The following GPR174 variants were observed in gnomAD, a reference collection of about 807,000 sequenced individuals.
GPR174 encodes the protein probable G protein-coupled receptor 174.
GPR174 carries 8 observed loss-of-function variants against 16.5 expected under a neutral mutation model. That is an observed-to-expected ratio of 0.48 (90% CI 0.28 to 0.87). GPR174 has a LOEUF of 0.87. GPR174 is among the 40% of genes least tolerant of loss of function. GPR174 has a pLI of 0.09. For missense variants in GPR174, 214 were observed against 247.5 expected, an observed-to-expected ratio of 0.86 and a Z score of 0.91; for synonymous variants, 111 against 94.8, an observed-to-expected ratio of 1.17 and a Z score of -0.99.
At chrX:79,166,425 CTTTTTTCTTTTTTTTTTTT>C (rs1271978716) in intron 2 of GPR174, among the ~76,000 whole-genome samples, 848 of 42,500 alleles carry the variant, frequency 0.02, 10 homozygotes, top group African/African-American at 0.067. Context: ...TTTTTCTTTT[CTTTTTTCTTTTTTTTTTTT>C]TTTTTTTTTT....
rs183722732 is a variant in GPR174, at chrX:79,152,211, G to A, written c.-653-4611G>A. Among the ~76,000 whole-genome samples the A allele has an allele frequency of 2.2e-3, 244 of 111,704 alleles. 2 individuals carry two copies. The highest frequency in any genetic ancestry group is 3.2e-3 in the Non-Finnish European group (168 of 52,956). ...TTTACTTGTTTGCTGGCTTCCTAGT[G>A]CATTCTATACTGGCTATAAGGAATT... On this transcript the variant is annotated intron_variant, in intron 1 of 2. Transcript: ENST00000645147.
In GPR174 at chrX:79,172,494, T is replaced by C. The variant is rs1179155406; in HGVS notation, c.*485T>C. 5 of 113,788 alleles carry C rather than the reference T, an allele frequency of 4.4e-5. No individual in the cohort carries two copies. The highest frequency in any genetic ancestry group is 1.6e-4 in the African/African-American group (5 of 30,888). 9.4% of individuals were successfully genotyped at this position (113,788 alleles called of 1,213,427 possible). ...GGGATAGATGATATATTACCCTGTG[T>C]AAAGAAAATGTAAACATAAGATCAT... On this transcript the variant is annotated 3_prime_UTR_variant, in exon 3 of 3. Transcript: ENST00000645147.
chrX:79,172,770 C>T lies in GPR174; in HGVS notation c.*761C>T, dbSNP rs966549819. On this transcript the variant is annotated 3_prime_UTR_variant, in exon 3 of 3. Coordinates refer to ENST00000645147, the MANE Select transcript of GPR174 (RefSeq NM_032553.3). ...TTGTCAAAGTCCATACAAGGTGACT[C>T]AATTGGGCTCTAGGCCTAGGAGAAA... 2.7e-5 allele frequency: 3 copies of T among 111,697 alleles called. No individual in the cohort carries two copies. In the Admixed American group the frequency reaches 2.8e-4, roughly 11 times the overall value. The allele number at this position is 111,697 out of a possible 1,213,427, so 9.2% of individuals were successfully genotyped here.
intron 2 of GPR174, among the ~76,000 whole-genome samples, chrX:79,163,961 A>G (rs1195796044): frequency 9.0e-6 from 1 of 111,494 alleles, no homozygotes; most frequent in Non-Finnish European, 1.9e-5. Flanking sequence ...ATGGCCCTAT[A>G]TGAATGGTTT....
chrX:79,161,603 A>G (rs765505165), intron 2 of GPR174, among the ~76,000 whole-genome samples: 5 of 112,075 alleles, frequency 4.5e-5, no homozygotes, highest in African/African-American at 1.6e-4. Context: ...GGTGTTCAGG[A>G]GTCTAGCCTT....
chrX:79,155,277 G>A, intron 1 of GPR174, among the ~76,000 whole-genome samples: 1 of 111,307 alleles, frequency 9.0e-6, no homozygotes, highest in East Asian at 2.8e-4. Flanking sequence ...TACTGCCTAG[G>A]TTTTCTTTCC....
chrX:79,145,002 CTCTCTTTCTTTCTTTCTT>C lies in GPR174; in HGVS notation c.-865_-848del, dbSNP rs201648245. ...TTTTTCTTTCTTTCTTTCTCTCTCT[CTCTCTTTCTTTCTTTCTT>C]TCTTTCTTTCTTTCTTTCTTTCTTT... is the stretch of plus-strand genomic sequence containing the variant. On this transcript the variant is annotated 5_prime_UTR_variant, in exon 1 of 3. Transcript: ENST00000645147. 0.016 allele frequency: 535 copies of C among 34,018 alleles called. 4 individuals are homozygous for C. The highest frequency in any genetic ancestry group is 0.032 in the African/African-American group (352 of 10,843). 2.8% of individuals were successfully genotyped at this position (34,018 alleles called of 1,213,427 possible).
chrX:79,152,717 C>T (rs1273051982), intron 1 of GPR174, among the ~76,000 whole-genome samples: 1 of 111,738 alleles, frequency 8.9e-6, no homozygotes, highest in Non-Finnish European at 1.9e-5. Context: ...TCCTTTGGGG[C>T]TGACTAGAAG....
At position 79,171,149 on chromosome X, in the gene GPR174, A is replaced by G. The variant is rs201687039; in HGVS notation, c.142A>G (p.Met48Val). 1.7e-6 allele frequency: 2 copies of G among 1,207,513 alleles called. No homozygotes were observed. The highest frequency in any genetic ancestry group is 2.2e-6 in the Non-Finnish European group (2 of 892,893). The change falls in exon 3 of 3, where the codon ATG (methionine) becomes GTG (valine). Residue 48 changes from methionine (M) to valine (V), a missense_variant. Met to Val is a conservative substitution (Grantham distance 21). Coordinates refer to ENST00000645147, the MANE Select transcript of GPR174 (RefSeq NM_032553.3). ...AGCCCTGTGGGTATTCTATGGTTAT[A>G]TGAAAGAAACAAAACGAGCTGTGAT... ...ILALWVFYGY[M>V]KETKRAVIFM... is the part of the protein sequence containing the mutation.
At chrX:79,150,085 G>T (rs1443935303) in intron 1 of GPR174, among the ~76,000 whole-genome samples, 1 of 111,214 alleles carries the variant, frequency 9.0e-6, no homozygotes, top group Non-Finnish European at 1.9e-5. Flanking sequence ...TGATCTCTGG[G>T]AATCATTAAA....
chrX:79,147,991 G>C, intron 1 of GPR174, among the ~76,000 whole-genome samples: 1 of 112,191 alleles, frequency 8.9e-6, no homozygotes, highest in Non-Finnish European at 1.9e-5. Context: ...CAGAGATCAA[G>C]ATGCAGACAG....
Position 79,171,128 on chromosome X carries a change from C to T in GPR174, c.121C>T (p.Leu41=), listed in dbSNP as rs1381426486. 3 of 1,208,036 alleles carry T rather than the reference C, an allele frequency of 2.5e-6. No homozygotes were observed. Among genetic ancestry groups the T allele is most frequent in the East Asian group, 5.9e-5 (2 of 33,674 alleles). ...AGGTCTCATAGGGAATATATTAGCCCTGTGGGTATTCTATGGTTATATGAA... is the reference window on the plus strand; with the variant it reads ...AGGTCTCATAGGGAATATATTAGCCTTGTGGGTATTCTATGGTTATATGAA... ...VPGLIGNILA[L]WVFYGYMKET... The change falls in exon 3 of 3, where the codon CTG becomes TTG. Residue 41 remains leucine, a synonymous_variant. Transcript: ENST00000645147.
intron 2 of GPR174, among the ~76,000 whole-genome samples, chrX:79,162,286 G>T (rs1381116433): frequency 1.8e-5 from 2 of 111,340 alleles, no homozygotes; most frequent in Non-Finnish European, 3.8e-5. Flanking sequence ...AGTGTTCAAA[G>T]CACCTATTTT....
intron 1 of GPR174, among the ~76,000 whole-genome samples, chrX:79,147,670 T>C (rs1926527810): frequency 9.1e-6 from 1 of 109,914 alleles, no homozygotes; most frequent in Admixed American, 9.8e-5. Flanking sequence ...TCCTGAGGTC[T>C]AGGAGATTCC....
At chrX:79,164,517 T>C (rs754342573) in intron 2 of GPR174, among the ~76,000 whole-genome samples, 1 of 111,436 alleles carries the variant, frequency 9.0e-6, no homozygotes, top group South Asian at 3.8e-4. Context: ...AATGCTTGGT[T>C]TGTTTCTACT....
chrX:79,149,016 CAT>C (rs1184145743), intron 1 of GPR174, among the ~76,000 whole-genome samples: 7 of 111,692 alleles, frequency 6.3e-5, no homozygotes, highest in Admixed American at 2.9e-4. Flanking sequence ...AAATGAATAA[CAT>C]GTAGAAGATA....
intron 1 of GPR174, among the ~76,000 whole-genome samples, chrX:79,147,417 G>A (rs759025946): frequency 9.2e-6 from 1 of 108,580 alleles, no homozygotes; most frequent in Non-Finnish European, 1.9e-5. Flanking sequence ...TTCTCCCAAA[G>A]GCCCTAATAT....
chrX:79,175,119 A>T lies in GPR174; in HGVS notation c.*3110A>T, dbSNP rs1450842017. 1 of 111,402 alleles carries T rather than the reference A, an allele frequency of 9.0e-6. No individual in the cohort carries two copies. The highest frequency in any genetic ancestry group is 1.9e-5 in the Non-Finnish European group (1 of 53,083). The allele number at this position is 111,402 out of a possible 1,213,427, so 9.2% of individuals were successfully genotyped here. The stretch of plus-strand genomic sequence containing the variant: ...GCTGGTAATTCCACAAAGAGAAGCC[A>T]TCTGCCCCAGGAGCAACAGACCAAG... On this transcript the variant is annotated 3_prime_UTR_variant, in exon 3 of 3. Coordinates refer to ENST00000645147, the MANE Select transcript of GPR174 (RefSeq NM_032553.3).
intron 2 of GPR174, among the ~76,000 whole-genome samples, chrX:79,167,744 A>G (rs1405123778): frequency 8.9e-6 from 1 of 112,214 alleles, no homozygotes; most frequent in Non-Finnish European, 1.9e-5. Context: ...AATTGCTTTC[A>G]GATCTCAGTA....
Sources: gnomAD v4.1 joint callset for allele counts (sites outside exome capture counted in the v4.1 genomes callset) on GRCh38, gnomAD v4.1.1 for gene constraint, MANE v1.5 for transcripts, NCBI Gene and HGNC (gene_info 2026-07-23, HGNC 2026-07-21) for gene names.